The following SERINC5 variants were observed in gnomAD, a reference collection of about 807,000 sequenced individuals.
SERINC5 encodes chromosome 5 open reading frame 12.
In SERINC5, 41 loss-of-function variants were observed where a neutral mutation model predicts 63.1. That is an observed-to-expected ratio of 0.65 (90% CI 0.51 to 0.84). The LOEUF (loss-of-function observed/expected upper bound fraction) is 0.84, where lower values mean the gene tolerates loss of function less well. SERINC5 is among the 40% of genes least tolerant of loss of function. The probability of loss-of-function intolerance (pLI) is 0.00; values close to 1 mark genes in which losing one functional copy is unlikely to be tolerated. For synonymous variants in SERINC5, 222 were observed against 215.2 expected (o/e 1.03, Z -0.28); for missense variants, 523 against 573.0 (o/e 0.91, Z 0.89).
chr5:80,245,498 T>A (rs937389125), intron 1 of SERINC5, among the ~76,000 whole-genome samples: 1 of 152,134 alleles, frequency 6.6e-6, no homozygotes, highest in African/African-American at 2.4e-5. Context: ...CCAGGCACAG[T>A]CTCATAGGCT....
downstream of SERINC5, among the ~76,000 whole-genome samples, chr5:80,134,643 G>A (rs1437182533): frequency 6.6e-6 from 1 of 152,196 alleles, no homozygotes; most frequent in Non-Finnish European, 1.5e-5. Flanking sequence ...CTCTTTCATT[G>A]TCATAATCCT....
chr5:80,204,902 G>A (rs978674588), intron 1 of SERINC5, among the ~76,000 whole-genome samples: 7 of 152,188 alleles, frequency 4.6e-5, no homozygotes, highest in African/African-American at 1.7e-4. Context: ...TAAGAAAGCA[G>A]GGCCCAGCAT....
chr5:80,191,558 G>A (rs1749189272), intron 2 of SERINC5, among the ~76,000 whole-genome samples: 2 of 148,172 alleles, frequency 1.3e-5, no homozygotes, highest in South Asian at 4.3e-4. Flanking sequence ...CGGTTACTCA[G>A]CAGGCTGAAG....
chr5:80,173,107 C>G (rs1431007676), intron 5 of SERINC5, among the ~76,000 whole-genome samples: 1 of 151,134 alleles, frequency 6.6e-6, no homozygotes, highest in Non-Finnish European at 1.5e-5. Context: ...AAAACAGCAA[C>G]TCCAACTTCC....
chr5:80,126,036 C>T (rs1182528441), intron 11 of SERINC5, among the ~76,000 whole-genome samples: 1 of 152,106 alleles, frequency 6.6e-6, no homozygotes, highest in Non-Finnish European at 1.5e-5. Flanking sequence ...TCAATGTGAT[C>T]TTGTGATTTT....
At chr5:80,251,399 C>T (rs1351401368) in intron 1 of SERINC5, among the ~76,000 whole-genome samples, 1 of 152,034 alleles carries the variant, frequency 6.6e-6, no homozygotes, top group Non-Finnish European at 1.5e-5. Flanking sequence ...AATACCTGGG[C>T]CTGGGCATTC....
rs1477836559 is a variant in SERINC5 at position 80,169,435 on chromosome 5, T to G, written c.663A>C (p.Thr221=). The G allele has an allele frequency of 6.2e-7, 1 of 1,613,850 alleles. No homozygotes were observed. Among genetic ancestry groups the G allele is most frequent in the Non-Finnish European group, 8.5e-7 (1 of 1,179,870 alleles). ...TGTTTTCCATGCAGCTGTCTTTCTG[T>G]GTATAAAACACTGCCATCAAAACCA... ...GGLVLMAVFY[T]QKDSCMENKI... Residue 221 remains threonine (T), a synonymous_variant, in exon 6 of 12, where the codon ACA becomes ACC. Coordinates refer to ENST00000507668, the MANE Select transcript of SERINC5 (RefSeq NM_001174072.3).
chr5:80,138,536 C>T (rs1745308997), downstream of SERINC5, among the ~76,000 whole-genome samples: 1 of 151,868 alleles, frequency 6.6e-6, no homozygotes, highest in African/African-American at 2.4e-5. Context: ...GCGGTGGTTG[C>T]AGTGAGCCGA....
intron 7 of SERINC5, among the ~76,000 whole-genome samples, chr5:80,164,592 C>T (rs989823682): frequency 2.6e-5 from 4 of 151,928 alleles, no homozygotes; most frequent in African/African-American, 9.7e-5. Context: ...CCATGTTGCC[C>T]AGGCTGGTCT....
chr5:80,177,720 C>T (rs766147035), intron 3 of SERINC5, among the ~76,000 whole-genome samples, 166 bp downstream of exon 3: 1 of 152,136 alleles, frequency 6.6e-6, no homozygotes, highest in African/African-American at 2.4e-5. Flanking sequence ...AAGATTCTAC[C>T]TTTGAGGCAA....
chr5:80,112,462 A>C (rs1744151961), intron 12 of SERINC5, among the ~76,000 whole-genome samples: 1 of 152,088 alleles, frequency 6.6e-6, no homozygotes, highest in Non-Finnish European at 1.5e-5. Context: ...AGATAGTGAA[A>C]ATAGTAATCA....
At chr5:80,208,243 G>T (rs567429518) in intron 1 of SERINC5, among the ~76,000 whole-genome samples, 8 of 151,938 alleles carry the variant, frequency 5.3e-5, no homozygotes, top group Non-Finnish European at 1.0e-4. Flanking sequence ...TAGGTTCATC[G>T]ATTCTAACAA....
chr5:80,137,154 A>AAAAC (rs1554058502), downstream of SERINC5, among the ~76,000 whole-genome samples: 334 of 115,242 alleles, frequency 2.9e-3, 3 homozygotes, highest in African/African-American at 9.7e-3. Context: ...AAAAAAAAAA[A>AAAAC]AAAAAAAAAC....
At chr5:80,160,990 A>ATG (rs371901737) in intron 7 of SERINC5, among the ~76,000 whole-genome samples, 16 of 149,654 alleles carry the variant, frequency 1.1e-4, no homozygotes, top group African/African-American at 3.2e-4. Flanking sequence ...ATGTGTGTAT[A>ATG]TGTATATATA....
chr5:80,180,540 T>C (rs1396969080), intron 2 of SERINC5, among the ~76,000 whole-genome samples: 1 of 152,090 alleles, frequency 6.6e-6, no homozygotes, highest in Non-Finnish European at 1.5e-5. Flanking sequence ...AGCCAGAGCT[T>C]GAGGGGCTGC....
rs370914185 is a variant in SERINC5, at chr5:80,140,732, C to A, written c.*2931G>T. The stretch of plus-strand genomic sequence containing the variant: ...ACACTCCCATAAGAACCCCCACCCC[C>A]CTGCCACCCACTTAGTGTTTTTACT... On this transcript the variant is annotated 3_prime_UTR_variant, in exon 12 of 12. Coordinates refer to ENST00000507668, the MANE Select transcript of SERINC5 (RefSeq NM_001174072.3). The A allele has an allele frequency of 4.2e-5, 41 of 985,310 alleles. No homozygotes were observed. The highest frequency in any genetic ancestry group is 4.8e-5 in the Non-Finnish European group (40 of 829,906). 61.0% of individuals were successfully genotyped at this position (985,310 alleles called of 1,614,324 possible). A position where few individuals can be genotyped will look rare whatever the true frequency, so the allele number is the denominator to read the frequency against.
chr5:80,183,565 T>A (rs1748595445), intron 2 of SERINC5, among the ~76,000 whole-genome samples: 1 of 152,064 alleles, frequency 6.6e-6, no homozygotes, highest in South Asian at 2.1e-4. Flanking sequence ...ACAAAAGAAG[T>A]GAAAAGGCCC....
At chr5:80,155,585 G>GAAAAAAAAA (rs1746469789) in intron 8 of SERINC5, among the ~76,000 whole-genome samples, 1 of 98,974 alleles carries the variant, frequency 1.0e-5, no homozygotes, top group African/African-American at 5.1e-5. Context: ...AAAAAAAAAG[G>GAAAAAAAAA]AAGAAAGAAG....
At chr5:80,125,602 T>C (rs1744717640) in intron 11 of SERINC5, among the ~76,000 whole-genome samples, 1 of 152,142 alleles carries the variant, frequency 6.6e-6, no homozygotes, top group South Asian at 2.1e-4. Flanking sequence ...AAGAAGGCAA[T>C]GGGCTTTCTA....
Sources: allele counts gnomAD v4.1 joint callset (sites outside exome capture counted in the v4.1 genomes callset), GRCh38; gene constraint gnomAD v4.1.1; transcripts MANE v1.5; gene names NCBI Gene and HGNC (gene_info 2026-07-23, HGNC 2026-07-21).